COL18A1: variants seen among roughly 807,000 people sequenced by gnomAD.
COL18A1 encodes collagen alpha-1(XVIII) chain.
Under a neutral mutation model 168.0 loss-of-function variants are expected in COL18A1, and 133 were observed. The ratio of observed to expected loss-of-function variants is 0.79; its 90% CI spans 0.69 to 0.91. The LOEUF is 0.91. Ranked by LOEUF, COL18A1 falls within the 40% of genes least tolerant of loss-of-function variation. The pLI is 0.00. For synonymous variants in COL18A1, 949 were observed against 809.0 expected (o/e 1.17, Z -2.94); for missense variants, 2,126 against 1,925.4 (o/e 1.10, Z -1.95).
rs1568922545 is a variant in COL18A1 at position 45,490,953 on chromosome 21, GTGCCCCTGC to G, written c.2067+88_2067+96del. 3.0e-6 allele frequency: 4 copies of G among 1,332,264 alleles called. No individual in the cohort carries two copies. The East Asian group carries it at 1.0e-4, about 33-fold the overall frequency. The allele number at this position is 1,332,264 out of a possible 1,614,324, so 82.5% of individuals were successfully genotyped here. A position where few individuals can be genotyped will look rare whatever the true frequency, so the allele number is the denominator to read the frequency against. ...GTTTGGCCTCAGCTGCCCCAGGTCC[GTGCCCCTGC>G]TGCCCATGTGACCTCAGAGACTCAG... On this transcript the variant is annotated intron_variant, in intron 21 of 41. Coordinates refer to ENST00000651438, the MANE Select transcript of COL18A1 (RefSeq NM_001379500.1).
chr21:45,405,845 C>T (rs1307696020), intron 2 of COL18A1, among the ~76,000 whole-genome samples: 1 of 151,790 alleles, frequency 6.6e-6, no homozygotes, highest in Admixed American at 6.6e-5. Context: ...AGCGCCGGGT[C>T]CCGGGACTGA....
chr21:45,458,346 C>G (rs192701837), intron 2 of COL18A1, among the ~76,000 whole-genome samples: 3,434 of 151,458 alleles, frequency 0.023, 54 homozygotes, highest in Middle Eastern at 0.058. Flanking sequence ...AGGGCTGGAG[C>G]TCTCTGAGGC....
chr21:45,430,475 C>T (rs1471983872), intron 2 of COL18A1, among the ~76,000 whole-genome samples: 5 of 151,924 alleles, frequency 3.3e-5, no homozygotes, highest in African/African-American at 7.3e-5. Context: ...GGAGGGGGCT[C>T]GAGACTGGGA....
At chr21:45,467,170 T>A (rs1225267395) in intron 2 of COL18A1, 1 of 902,486 alleles carries the variant, frequency 1.1e-6, no homozygotes, top group African/African-American at 1.8e-5. Flanking sequence ...CTGAGCAGGG[T>A]CTGCCCTTGA....
intron 33 of COL18A1, 67 bp from the exon 34 acceptor site, chr21:45,504,349 G>A (rs2037052193): frequency 1.3e-6 from 2 of 1,527,602 alleles, no homozygotes; most frequent in Non-Finnish European, 8.9e-7. Flanking sequence ...TGGCTCGGGG[G>A]GATGGGAGGC....
chr21:45,405,862 G>A (rs2033087826), intron 2 of COL18A1, among the ~76,000 whole-genome samples: 1 of 151,816 alleles, frequency 6.6e-6, no homozygotes, highest in Non-Finnish European at 1.5e-5. Flanking sequence ...CTGACCGCGG[G>A]CGGAAGGCGG....
At position 45,433,489 on chromosome 21, in the gene COL18A1, T is replaced by C. The variant is rs534117211; in HGVS notation, c.106+28016T>C. 3.9e-5 allele frequency among the ~76,000 whole-genome samples: 6 copies of C among 152,162 alleles called. No homozygotes were observed. The East Asian group carries it at 1.2e-3, about 29-fold the overall frequency. On this transcript the variant is annotated intron_variant, in intron 2 of 41. Coordinates refer to ENST00000651438, the MANE Select transcript of COL18A1 (RefSeq NM_001379500.1). ...GAGCACCAAGAAAATACCAGGGACT[T>C]TGCAGGTCTCGGGTGGATTCAGGTT...
rs375590764 is a variant in COL18A1 at position 45,510,164 on chromosome 21, C to T, written c.3596C>T (p.Ala1199Val). Residue 1199 changes from alanine to valine, a missense_variant, in exon 40 of 42, where the codon GCG becomes GTG. Ala to Val is a moderately conservative substitution (Grantham distance 64). Transcript: ENST00000651438. ...CAGCAGGCGCGGGCCGTGGGGCTGGCGGGCACCTTCCGCGCCTTCCTGTCC... is the reference window on the plus strand; with the variant it reads ...CAGCAGGCGCGGGCCGTGGGGCTGGTGGGCACCTTCCGCGCCTTCCTGTCC... Reference protein sequence around the residue: ...CFQQARAVGLAGTFRAFLSSR... With the variant: ...CFQQARAVGLVGTFRAFLSSR... 41 of 1,595,980 alleles carry T rather than the reference C, an allele frequency of 2.6e-5. No individual in the cohort carries two copies. Among genetic ancestry groups the T allele is most frequent in the African/African-American group, 1.3e-4 (10 of 74,396 alleles).
rs886057128 is a variant in COL18A1 at position 45,497,672 on chromosome 21, C to G, written c.2683+11C>G. ...CCCCCGGACCACCAGGTGAGCAACT[C>G]TGGACATCCCAGGCAGGAGAGCCAT... On this transcript the variant is annotated intron_variant, in intron 32 of 41. Coordinates refer to ENST00000651438, the MANE Select transcript of COL18A1 (RefSeq NM_001379500.1). The G allele has an allele frequency of 6.4e-7, 1 of 1,562,670 alleles. No individual in the cohort carries two copies. Among genetic ancestry groups the G allele is most frequent in the Non-Finnish European group, 8.7e-7 (1 of 1,153,924 alleles).
intron 13 of COL18A1, among the ~76,000 whole-genome samples, chr21:45,481,105 G>A (rs1264934979): frequency 3.9e-5 from 6 of 152,288 alleles, no homozygotes; most frequent in South Asian, 2.1e-4. Context: ...CAAGGCCTCC[G>A]ACCTCTCTGG....
At position 45,480,793 on chromosome 21, in the gene COL18A1, C is replaced by T. The variant is rs956106136; in HGVS notation, c.1546C>T (p.Pro516Ser). ...CTTTGGGGTGAACAGCTCCGACGTC[C>T]CAGGACCCGCCGGCCTTCCTGGTGT... Reference protein sequence around the residue: ...GRFGVNSSDVPGPAGLPGVPG... With the variant: ...GRFGVNSSDVSGPAGLPGVPG... The change falls in exon 13 of 42, where the codon CCA (proline) becomes TCA (serine). Residue 516 changes from proline (P) to serine (S), a missense_variant. Pro to Ser is a moderately conservative substitution (Grantham distance 74, BLOSUM62 -1). Transcript: ENST00000651438. 5.0e-6 allele frequency: 8 copies of T among 1,611,498 alleles called. No individual in the cohort carries two copies. Among genetic ancestry groups the T allele is most frequent in the Non-Finnish European group, 6.8e-6 (8 of 1,179,766 alleles).
chr21:45,420,904 G>A (rs2033601312), intron 2 of COL18A1: 1 of 155,976 alleles, frequency 6.4e-6, no homozygotes, highest in Non-Finnish European at 1.4e-5. Context: ...ATTGGAAGCT[G>A]TGCGTGGCCA....
Position 45,443,746 on chromosome 21 carries a change from T to A in COL18A1, c.107-24496T>A, listed in dbSNP as rs530253323. ...GTGCCAATTTCCTGGTGAAGAGTCT[T>A]TATGAGAGCAATGCGGCCCCGTGCC... On this transcript the variant is annotated intron_variant, in intron 2 of 41. Coordinates refer to ENST00000651438, the MANE Select transcript of COL18A1 (RefSeq NM_001379500.1). This position sits in a 1 kb window ranked among gnomAD's most constrained non-coding sequence, Gnocchi z 5.2. 6.6e-6 allele frequency among the ~76,000 whole-genome samples: 1 copy of A among 152,232 alleles called. No individual in the cohort carries two copies. The highest frequency in any genetic ancestry group is 6.5e-5 in the Admixed American group (1 of 15,306).
At chr21:45,416,915 C>T (rs893722994) in intron 2 of COL18A1, among the ~76,000 whole-genome samples, 4 of 152,154 alleles carry the variant, frequency 2.6e-5, no homozygotes, top group Non-Finnish European at 5.9e-5. Context: ...GTCTTGCTCT[C>T]GAGAGAGTGA....
In COL18A1 at chr21:45,476,754, AGT is replaced by A. The variant is rs1054384209; in HGVS notation, c.928+280_928+281del. 1.4e-4 allele frequency among the ~76,000 whole-genome samples: 19 copies of A among 137,376 alleles called. No homozygotes were observed. The East Asian group carries it at 2.6e-3, about 19-fold the overall frequency. 90.1% of individuals were successfully genotyped at this position (137,376 alleles called of 152,430 possible). A position where few individuals can be genotyped will look rare whatever the true frequency, so the allele number is the denominator to read the frequency against. On this transcript the variant is annotated intron_variant, in intron 6 of 41. Coordinates refer to ENST00000651438, the MANE Select transcript of COL18A1 (RefSeq NM_001379500.1). Reference sequence around the variant, plus strand: ...CATGCATGTGGGCATGTGTGTGTGCAGTGTGTGGTGTGTGTATTGTGTGTGGT... The same window carrying A: ...CATGCATGTGGGCATGTGTGTGTGCAGTGTGGTGTGTGTATTGTGTGTGGT...
intron 15 of COL18A1, among the ~76,000 whole-genome samples, chr21:45,484,148 CACCT>C (rs1413175866): frequency 6.7e-6 from 1 of 148,414 alleles, no homozygotes; most frequent in African/African-American, 2.5e-5. Flanking sequence ...TGTACACACA[CACCT>C]CTCCAGCATA....
chr21:45,419,141 G>A (rs1163180665), intron 2 of COL18A1, among the ~76,000 whole-genome samples: 1 of 152,204 alleles, frequency 6.6e-6, no homozygotes, highest in African/African-American at 2.4e-5. Flanking sequence ...CCTGACACAC[G>A]ATGCCGTGTG....
chr21:45,474,315 GTGTC>G (rs199620643), intron 4 of COL18A1, among the ~76,000 whole-genome samples: 3,711 of 148,642 alleles, frequency 0.025, 167 homozygotes, highest in African/African-American at 0.09. Flanking sequence ...TCTCTGTGGT[GTGTC>G]TGTCTTGTGT....
At chr21:45,414,309 G>A (rs992782128) in intron 2 of COL18A1, among the ~76,000 whole-genome samples, 3 of 152,192 alleles carry the variant, frequency 2.0e-5, no homozygotes, top group East Asian at 3.9e-4. Context: ...ACATCTTGAT[G>A]CGGGGTCTCT....
Sources: allele counts gnomAD v4.1 joint callset (sites outside exome capture counted in the v4.1 genomes callset), GRCh38; gene constraint gnomAD v4.1.1; non-coding constraint Gnocchi (gnomAD v3.1); transcripts MANE v1.5; gene names NCBI Gene and HGNC (gene_info 2026-07-23, HGNC 2026-07-21).